The following GULP1 variants were observed in gnomAD, a reference collection of about 807,000 sequenced individuals.
GULP1 encodes GULP PTB domain containing engulfment adaptor 1.
In GULP1, 19 loss-of-function variants were observed where a neutral mutation model predicts 40.9. The ratio of observed to expected loss-of-function variants is 0.46; its 90% confidence interval spans 0.32 to 0.68. The LOEUF (loss-of-function observed/expected upper bound fraction) is 0.68, where lower values mean the gene tolerates loss of function less well. GULP1 is among the 30% of genes least tolerant of loss of function. The pLI is 0.03. For synonymous variants in GULP1, 119 were observed against 117.6 expected (o/e 1.01, Z -0.08); for missense variants, 312 against 362.2 (o/e 0.86, Z 1.12).
intron 1 of GULP1, among the ~76,000 whole-genome samples, chr2:188,321,392 A>G (rs548870863): frequency 4.6e-5 from 7 of 152,248 alleles, no homozygotes; most frequent in African/African-American, 1.4e-4. Context: ...CAAATTCTAG[A>G]TATTGTTGTT....
intron 2 of GULP1, among the ~76,000 whole-genome samples, chr2:188,422,958 C>G (rs1160686584): frequency 6.6e-6 from 1 of 152,086 alleles, no homozygotes; most frequent in Non-Finnish European, 1.5e-5. Flanking sequence ...TCAAACATCT[C>G]TTTGACCTGT....
chr2:188,526,344 C>T lies in GULP1; in HGVS notation c.163-2753C>T, dbSNP rs77954091. On this transcript the variant is annotated intron_variant, in intron 5 of 11. Coordinates refer to ENST00000409830, the MANE Select transcript of GULP1 (RefSeq NM_016315.4). ...ATATTCAGGGTTTAATGGCAGATCA[C>T]TGTATCCATCTAGATCTACCAAGAA... 9.5e-3 allele frequency among the ~76,000 whole-genome samples: 1,451 copies of T among 152,126 alleles called. 13 individuals are homozygous for T. The highest frequency in any genetic ancestry group is 0.013 in the Non-Finnish European group (867 of 68,000).
intron 2 of GULP1, among the ~76,000 whole-genome samples, chr2:188,454,498 A>G (rs2059097735): frequency 6.6e-6 from 1 of 152,216 alleles, no homozygotes; most frequent in Admixed American, 6.5e-5. Flanking sequence ...ACAGGAAGAC[A>G]GGTTCTCAAT....
intron 9 of GULP1, among the ~76,000 whole-genome samples, chr2:188,583,746 G>T (rs1245568064): frequency 6.6e-6 from 1 of 152,046 alleles, no homozygotes. Context: ...GGTTCCCATT[G>T]TTGATATAAA....
At chr2:188,369,636 T>C (rs2047335913) in intron 1 of GULP1, among the ~76,000 whole-genome samples, 1 of 152,134 alleles carries the variant, frequency 6.6e-6, no homozygotes, top group Non-Finnish European at 1.5e-5. Context: ...CAGTACTCTC[T>C]TTATTGTAGA....
intron 5 of GULP1, among the ~76,000 whole-genome samples, chr2:188,524,496 G>C (rs2153228861): frequency 6.6e-6 from 1 of 151,974 alleles, no homozygotes; most frequent in East Asian, 1.9e-4. Flanking sequence ...ATTTTACTGT[G>C]CTGATTGCAA....
intron 7 of GULP1, among the ~76,000 whole-genome samples, chr2:188,563,124 A>T (rs1322047818): frequency 6.6e-6 from 1 of 152,124 alleles, no homozygotes; most frequent in Non-Finnish European, 1.5e-5. Context: ...AAAACAAGAA[A>T]AACAAATCAA....
intron 2 of GULP1, among the ~76,000 whole-genome samples, chr2:188,410,371 G>T (rs558637443): frequency 6.6e-6 from 1 of 152,192 alleles, no homozygotes; most frequent in South Asian, 2.1e-4. Flanking sequence ...AAGGCTTCTG[G>T]ATAGCCAAGG....
At chr2:188,515,912 T>G (rs1451602005) in intron 4 of GULP1, among the ~76,000 whole-genome samples, 1 of 152,220 alleles carries the variant, frequency 6.6e-6, no homozygotes, top group African/African-American at 2.4e-5. Flanking sequence ...TCAAATAATC[T>G]ATGTCCATTT....
intron 1 of GULP1, among the ~76,000 whole-genome samples, chr2:188,326,712 G>T (rs1424121411): frequency 6.6e-6 from 1 of 152,116 alleles, no homozygotes; most frequent in Non-Finnish European, 1.5e-5. Flanking sequence ...TTATTTCAAA[G>T]AAGTCGTGTT....
chr2:188,469,957 G>A (rs1043451688), intron 2 of GULP1, among the ~76,000 whole-genome samples: 3 of 152,182 alleles, frequency 2.0e-5, no homozygotes, highest in South Asian at 4.1e-4. Context: ...AATGCAGTTC[G>A]CTAGTACTGT....
At chr2:188,543,520 A>G (rs1485159674) in intron 7 of GULP1, among the ~76,000 whole-genome samples, 2 of 152,156 alleles carry the variant, frequency 1.3e-5, no homozygotes, top group East Asian at 1.9e-4. Context: ...AATGATGACT[A>G]TATTTATAAC....
chr2:188,514,040 A>AGAGTGTGTGT (rs1553577815), intron 4 of GULP1, among the ~76,000 whole-genome samples: 1 of 123,076 alleles, frequency 8.1e-6, no homozygotes, highest in Admixed American at 8.8e-5. Flanking sequence ...TCCCCTTCTG[A>AGAGTGTGTGT]GTGTGTGTGT....
In GULP1 at chr2:188,504,180, A is replaced by ATAGAAG. The variant is rs376850917; in HGVS notation, c.91-18575_91-18574insAGAAGT. ...AATGTCATGACTTCTAACTTCCAAC[A>ATAGAAG]TTAATAACATAGAGCTAGGAAAGCT... is the stretch of plus-strand genomic sequence containing the variant. On this transcript the variant is annotated intron_variant, in intron 4 of 11. Coordinates refer to ENST00000409830, the MANE Select transcript of GULP1 (RefSeq NM_016315.4). Among the ~76,000 whole-genome samples the ATAGAAG allele has an allele frequency of 5.9e-5, 9 of 152,078 alleles. 1 individual carries two copies. Among genetic ancestry groups the ATAGAAG allele is most frequent in the African/African-American group, 2.2e-4 (9 of 41,542 alleles).
In GULP1 at chr2:188,333,019, C is replaced by T. The variant is rs868163070; in HGVS notation, c.-172+40853C>T. ...AGCAGTTTTGGGAGGACATGGCTGG[C>T]GGATTGCCTGAACCCAGGAGCTCCA... is the stretch of plus-strand genomic sequence containing the variant. On this transcript the variant is annotated intron_variant, in intron 1 of 11. Coordinates refer to ENST00000409830, the MANE Select transcript of GULP1 (RefSeq NM_016315.4). Among the ~76,000 whole-genome samples, 435 of 151,934 alleles carry T rather than the reference C, an allele frequency of 2.9e-3. 3 individuals are homozygous for T. Among genetic ancestry groups the T allele is most frequent in the African/African-American group, 9.4e-3 (390 of 41,474 alleles).
intron 1 of GULP1, among the ~76,000 whole-genome samples, chr2:188,337,491 G>T (rs1227330765): frequency 1.3e-5 from 2 of 149,982 alleles, no homozygotes; most frequent in African/African-American, 2.5e-5. Flanking sequence ...GGCTCTGTCA[G>T]TGAGCTACAA....
At chr2:188,369,415 A>C in intron 1 of GULP1, among the ~76,000 whole-genome samples, 1 of 151,972 alleles carries the variant, frequency 6.6e-6, no homozygotes, top group East Asian at 1.9e-4. Flanking sequence ...CACTCACCTC[A>C]GAAAGGCTAA....
At chr2:188,310,327 G>A (rs2037870892) in intron 1 of GULP1, among the ~76,000 whole-genome samples, 3 of 152,176 alleles carry the variant, frequency 2.0e-5, no homozygotes, top group Admixed American at 2.0e-4. Flanking sequence ...TGTTAAAATA[G>A]TCTCGATTAG....
At chr2:188,431,922 C>G (rs2056916259) in intron 2 of GULP1, among the ~76,000 whole-genome samples, 1 of 151,528 alleles carries the variant, frequency 6.6e-6, no homozygotes, top group South Asian at 2.1e-4. Context: ...TTGAAATGAA[C>G]TTTGAATTAG....
Sources: allele counts gnomAD v4.1 joint callset (sites outside exome capture counted in the v4.1 genomes callset), GRCh38; gene constraint gnomAD v4.1.1; transcripts MANE v1.5; gene names NCBI Gene and HGNC (gene_info 2026-07-23, HGNC 2026-07-21).